DCC: variants seen among roughly 807,000 people sequenced by gnomAD.
The protein encoded by DCC is netrin receptor DCC.
DCC carries 58 observed loss-of-function variants against 172.5 expected under a neutral mutation model. That is an observed-to-expected ratio of 0.34 (90% confidence interval 0.27 to 0.42). DCC has a LOEUF of 0.42. DCC is among the 10% of genes least tolerant of loss of function. DCC has a pLI of 1.00. For missense variants in DCC, 1,740 were observed against 1,791.0 expected (o/e 0.97, Z 0.51); for synonymous variants, 709 against 644.5 (o/e 1.10, Z -1.52).
intron 12 of DCC, among the ~76,000 whole-genome samples, chr18:53,246,123 T>C (rs2056362363): frequency 6.6e-6 from 1 of 152,094 alleles, no homozygotes; most frequent in Non-Finnish European, 1.5e-5. Flanking sequence ...GTCCCCTCAT[T>C]TCTCAGATTT....
At chr18:53,511,940 A>C (rs2046260392) in intron 27 of DCC, among the ~76,000 whole-genome samples, 1 of 152,222 alleles carries the variant, frequency 6.6e-6, no homozygotes, top group African/African-American at 2.4e-5. Context: ...GCAACCAGGA[A>C]GCTCGAACTG....
At chr18:52,521,159 A>G (rs920569760) in intron 1 of DCC, among the ~76,000 whole-genome samples, 10 of 150,084 alleles carry the variant, frequency 6.7e-5, no homozygotes, top group African/African-American at 2.2e-4. Context: ...TTGAAAAAAA[A>G]TGCATACTTG....
chr18:52,807,880 A>C lies in DCC; in HGVS notation c.412+55506A>C, dbSNP rs567973354. On this transcript the variant is annotated intron_variant, in intron 2 of 28. Transcript: ENST00000442544. Reference sequence around the variant, plus strand: ...CATCCAATCATACACCTCATCTCTCAATCTCTCCTGGATACATATGGGAAA... The same window carrying C: ...CATCCAATCATACACCTCATCTCTCCATCTCTCCTGGATACATATGGGAAA... Among the ~76,000 whole-genome samples, 5 of 151,434 alleles carry C rather than the reference A, an allele frequency of 3.3e-5. No individual in the cohort carries two copies. In the East Asian group the frequency reaches 9.7e-4, roughly 29 times the overall value.
chr18:52,541,875 G>GTATATATATATGTATATA (rs1555695196), intron 1 of DCC, among the ~76,000 whole-genome samples: 1 of 115,202 alleles, frequency 8.7e-6, no homozygotes, highest in African/African-American at 3.3e-5. Context: ...GTGTGTGTGT[G>GTATATATATATGTATATA]TATATATATA....
chr18:52,964,898 T>G (rs886219292), intron 5 of DCC: 8 of 152,194 alleles, frequency 5.3e-5, no homozygotes, highest in Non-Finnish European at 1.0e-4. Flanking sequence ...AGAGGCTGCC[T>G]AAATTCCTTG....
chr18:53,090,096 A>G (rs1028761978), intron 7 of DCC, among the ~76,000 whole-genome samples: 4 of 152,198 alleles, frequency 2.6e-5, no homozygotes, highest in South Asian at 2.1e-4. Context: ...ACTAGTTGCT[A>G]AAATTTTAGG....
At chr18:52,797,368 T>C (rs555094120) in intron 2 of DCC, among the ~76,000 whole-genome samples, 42 of 152,238 alleles carry the variant, frequency 2.8e-4, no homozygotes, top group Non-Finnish European at 5.1e-4. Flanking sequence ...TCTGGTGTAA[T>C]AGCTGCTTCT....
chr18:52,564,850 C>A (rs560094324), intron 1 of DCC, among the ~76,000 whole-genome samples: 63 of 152,180 alleles, frequency 4.1e-4, no homozygotes, highest in African/African-American at 1.5e-3. Flanking sequence ...ATAAAAATCT[C>A]TGTACATGAG....
intron 1 of DCC, among the ~76,000 whole-genome samples, chr18:52,471,418 G>C (rs565140768): frequency 6.6e-6 from 1 of 152,312 alleles, no homozygotes; most frequent in Admixed American, 6.5e-5. Flanking sequence ...TTTTTCATCA[G>C]TTTGTATCAT....
chr18:53,260,854 G>C (rs933109516), intron 12 of DCC, among the ~76,000 whole-genome samples: 1 of 152,146 alleles, frequency 6.6e-6, no homozygotes, highest in Non-Finnish European at 1.5e-5. Context: ...GCTCCACCCT[G>C]TTCGAGCTTC....
rs187553381 is a variant in DCC at position 52,623,938 on chromosome 18, G to A, written c.92-128116G>A. On this transcript the variant is annotated intron_variant, in intron 1 of 28. Transcript: ENST00000442544. ...TGTGTATTGAATACACAGGGAAAGA[G>A]GTTTATGACAAGAAAGCCAAACAAG... Among the ~76,000 whole-genome samples the A allele has an allele frequency of 1.9e-3, 296 of 152,274 alleles. 3 individuals carry two copies. The highest frequency in any genetic ancestry group is 5.6e-3 in the South Asian group (27 of 4,822).
At chr18:52,548,464 A>G (rs2032675752) in intron 1 of DCC, among the ~76,000 whole-genome samples, 1 of 152,030 alleles carries the variant, frequency 6.6e-6, no homozygotes, top group Non-Finnish European at 1.5e-5. Context: ...TGGTCACCCT[A>G]ATTAGTCAAC....
At chr18:53,291,957 G>A (rs564718354) in intron 12 of DCC, among the ~76,000 whole-genome samples, 1 of 152,142 alleles carries the variant, frequency 6.6e-6, no homozygotes, top group East Asian at 1.9e-4. Context: ...CCAGTTTCTA[G>A]GACCTAGAAG....
At chr18:53,307,797 G>A (rs1267095091) in intron 13 of DCC, among the ~76,000 whole-genome samples, 2 of 149,060 alleles carry the variant, frequency 1.3e-5, no homozygotes, top group East Asian at 3.9e-4. Context: ...ATAAATGAGG[G>A]CATCCCATTC....
At chr18:52,446,063 G>T (rs916288555) in intron 1 of DCC, among the ~76,000 whole-genome samples, 1 of 152,164 alleles carries the variant, frequency 6.6e-6, no homozygotes, top group African/African-American at 2.4e-5. Context: ...TCTCTGAGTA[G>T]CTGGGACTAC....
intron 27 of DCC, among the ~76,000 whole-genome samples, chr18:53,513,900 T>A (rs1429700316): frequency 1.3e-5 from 2 of 151,058 alleles, no homozygotes. Context: ...ATTAGACAGA[T>A]CAACAAGACA....
intron 12 of DCC, among the ~76,000 whole-genome samples, chr18:53,296,963 AACTG>A (rs1221831136): frequency 1.3e-5 from 2 of 152,218 alleles, no homozygotes; most frequent in Admixed American, 1.3e-4. Flanking sequence ...TTGCTAGAGT[AACTG>A]ACTGTGTTTG....
intron 15 of DCC, among the ~76,000 whole-genome samples, chr18:53,349,029 T>C (rs2057757384): frequency 6.6e-6 from 1 of 152,182 alleles, no homozygotes. Context: ...CTCAGAAAAA[T>C]CGGATTTTCT....
chr18:52,570,627 C>T (rs1047000513), intron 1 of DCC, among the ~76,000 whole-genome samples: 2 of 152,116 alleles, frequency 1.3e-5, no homozygotes, highest in Non-Finnish European at 2.9e-5. Context: ...TTTGTAGAAA[C>T]TGTTTTGTGT....
Sources: allele counts gnomAD v4.1 joint callset (sites outside exome capture counted in the v4.1 genomes callset), GRCh38; gene constraint gnomAD v4.1.1; transcripts MANE v1.5; gene names NCBI Gene and HGNC (gene_info 2026-07-23, HGNC 2026-07-21).